The following BAZ2A variants were observed in gnomAD, a reference collection of about 807,000 sequenced individuals.
BAZ2A encodes bromodomain adjacent to zinc finger domain protein 2A.
In BAZ2A, 34 loss-of-function variants were observed where a neutral mutation model predicts 199.9. That is an observed-to-expected ratio of 0.17 (90% confidence interval 0.13 to 0.23). The LOEUF is 0.23. Among genes scored for constraint, BAZ2A ranks in the 10% least tolerant of loss-of-function variants. The pLI is 1.00. For synonymous variants in BAZ2A, 857 were observed against 883.9 expected (o/e 0.97, Z 0.54); for missense variants, 2,002 against 2,391.1 (o/e 0.84, Z 3.39).
At chr12:56,632,879 C>A (rs910110201), upstream of BAZ2A, among the ~76,000 whole-genome samples, 3 of 152,088 alleles carry the variant, frequency 2.0e-5, no homozygotes, top group Non-Finnish European at 2.9e-5. Context: ...GTGCTTCTCC[C>A]CCCATCCAGA....
At chr12:56,618,613 T>TA (rs761508237) in intron 1 of BAZ2A, among the ~76,000 whole-genome samples, 6 of 152,314 alleles carry the variant, frequency 3.9e-5, no homozygotes, top group South Asian at 2.1e-4. Flanking sequence ...TACTACATTT[T>TA]AAAAAAGAGA....
At chr12:56,634,989 C>A (rs531825561), upstream of BAZ2A, 1 of 984,206 alleles carries the variant, frequency 1.0e-6, no homozygotes, top group Non-Finnish European at 1.2e-6. Context: ...GCGGCAGAGG[C>A]GCAGGTGGCC....
At chr12:56,606,449 T>C in intron 11 of BAZ2A, 137 bp from the exon 12 acceptor site, 1 of 1,210,174 alleles carries the variant, frequency 8.3e-7, no homozygotes, top group South Asian at 1.3e-5. Flanking sequence ...ATTAATTCTC[T>C]CACCCTAGAG....
Position 56,603,992 on chromosome 12 carries a change from G to A in BAZ2A, c.3038+225C>T, listed in dbSNP as rs375289294. Among the ~76,000 whole-genome samples, 157 of 152,026 alleles carry A rather than the reference G, an allele frequency of 1.0e-3. 1 individual carries two copies. Among genetic ancestry groups the A allele is most frequent in the African/African-American group, 3.6e-3 (148 of 41,488 alleles). ...TGCGCTATCGCATTCCAGCCTAGGC[G>A]ACAGAGGAAGACTCCATCTCAAAAA... On this transcript the variant is annotated intron_variant, in intron 16 of 28. Coordinates refer to ENST00000549884, the MANE Select transcript of BAZ2A (RefSeq NM_001300905.2).
intron 1 of BAZ2A, among the ~76,000 whole-genome samples, chr12:56,628,441 G>C (rs1392849269): frequency 6.6e-6 from 1 of 152,090 alleles, no homozygotes; most frequent in Non-Finnish European, 1.5e-5. Context: ...AGAAGAATAA[G>C]AGGGGAGACG....
chr12:56,624,375 G>A (rs1235535284), intron 1 of BAZ2A, among the ~76,000 whole-genome samples: 2 of 152,136 alleles, frequency 1.3e-5, no homozygotes, highest in African/African-American at 4.8e-5. Flanking sequence ...AGAATTCAAA[G>A]ATGACTGTTC....
rs367656362 is a variant in BAZ2A, at chr12:56,601,787, T to C, written c.3830A>G (p.His1277Arg). The C allele has an allele frequency of 8.7e-6, 14 of 1,613,922 alleles. No homozygotes were observed. The highest frequency in any genetic ancestry group is 1.1e-5 in the South Asian group (1 of 91,088). Residue 1277 changes from histidine to arginine, a missense_variant, in exon 20 of 29, where the codon CAT becomes CGT. By Grantham distance (29) the His-to-Arg change is conservative. Transcript: ENST00000549884. ...FLSWLSQTQSHSSLLSSSVLT... is the reference protein window; with the variant it reads ...FLSWLSQTQSRSSLLSSSVLT... ...GACTGAGCTGCTCAACAGGGAGCTA[T>C]GGCTCTGAGTCTGGCTCAGCCAAGA...
In BAZ2A at chr12:56,596,748, C is replaced by T. The variant is rs1885872777; in HGVS notation, c.*1870G>A. The T allele has an allele frequency of 6.6e-6, 1 of 152,492 alleles. No individual in the cohort carries two copies. Among genetic ancestry groups the T allele is most frequent in the Non-Finnish European group, 1.5e-5 (1 of 68,020 alleles). The allele number at this position is 152,492 out of a possible 1,614,324, so 9.4% of individuals were successfully genotyped here. On this transcript the variant is annotated 3_prime_UTR_variant, in exon 29 of 29. Coordinates refer to ENST00000549884, the MANE Select transcript of BAZ2A (RefSeq NM_001300905.2). ...ATAATATAAAGTCAATTCAAATATTCTTCAATCCACCTCTTAAAAGCAAAA... is the reference window on the plus strand; with the variant it reads ...ATAATATAAAGTCAATTCAAATATTTTTCAATCCACCTCTTAAAAGCAAAA...
intron 18 of BAZ2A, 50 bp from the exon 19 acceptor site, chr12:56,602,907 A>C (rs892864774): frequency 6.4e-7 from 1 of 1,557,304 alleles, no homozygotes; most frequent in African/African-American, 1.4e-5. Context: ...CCAGAGTGAC[A>C]GTGGTGAATT....
chr12:56,608,867 CTTTTT>C (rs67765071), intron 10 of BAZ2A, among the ~76,000 whole-genome samples: 1 of 69,902 alleles, frequency 1.4e-5, no homozygotes, highest in Non-Finnish European at 2.5e-5. Flanking sequence ...CCGTGCCTGG[CTTTTT>C]TTTTTTTTTT....
chr12:56,599,195 C>G lies in BAZ2A; in HGVS notation c.5336G>C (p.Gly1779Ala). The G allele has an allele frequency of 7.4e-6, 12 of 1,613,374 alleles. No homozygotes were observed. The highest frequency in any genetic ancestry group is 1.0e-5 in the Non-Finnish European group (12 of 1,179,730). The change falls in exon 27 of 29, where the codon GGG becomes GCG. Residue 1779 changes from glycine to alanine, a missense_variant. Gly to Ala is a moderately conservative substitution (Grantham distance 60). Around this residue, in one of 6 missense-constraint regions of BAZ2A, gnomAD observed 122 missense variants for 123.0 expected, o/e 0.99. Coordinates refer to ENST00000549884, the MANE Select transcript of BAZ2A (RefSeq NM_001300905.2). ...PAAGPRYSEE[G>A]LSPSKRRRLS... ...TCGCCGCCGCTTGGAGGGGGAGAGC[C>G]CTTCTTCCGAGTACCGAGGCCCTGC...
In BAZ2A at chr12:56,599,878, A is replaced by ATCAT. The variant is rs747536897; in HGVS notation, c.5026-31_5026-30insATGA. On this transcript the variant is annotated intron_variant, in intron 25 of 28. Coordinates refer to ENST00000549884, the MANE Select transcript of BAZ2A (RefSeq NM_001300905.2). Reference sequence around the variant, plus strand: ...ACCAAGGTTGTGAGGAGGCAGAATGAGCTCTCCAGCCTCTACCTGCCAGTG... The same window carrying ATCAT: ...ACCAAGGTTGTGAGGAGGCAGAATGATCATGCTCTCCAGCCTCTACCTGCCAGTG... 1.9e-6 allele frequency: 3 copies of ATCAT among 1,613,536 alleles called. No homozygotes were observed. In the East Asian group the frequency reaches 6.7e-5, roughly 36 times the overall value.
rs1299585265 is a variant in BAZ2A, at chr12:56,599,855, C to G, written c.5026-7G>C. The G allele has an allele frequency of 6.2e-7, 1 of 1,613,910 alleles. No homozygotes were observed. Among genetic ancestry groups the G allele is most frequent in the South Asian group, 1.1e-5 (1 of 91,068 alleles). Reference sequence around the variant, plus strand: ...TCCGGCAGACTAGACATGTCTGGACCAAGGTTGTGAGGAGGCAGAATGAGC... The same window carrying G: ...TCCGGCAGACTAGACATGTCTGGACGAAGGTTGTGAGGAGGCAGAATGAGC... On this transcript the variant is annotated splice_region_variant and splice_polypyrimidine_tract_variant and intron_variant, in intron 25 of 28. Transcript: ENST00000549884.
intron 18 of BAZ2A, 110 bp downstream of exon 18, chr12:56,603,249 C>T (rs1264751395): frequency 7.8e-7 from 1 of 1,280,058 alleles, no homozygotes; most frequent in Non-Finnish European, 1.1e-6. Context: ...GCCTGGGTAA[C>T]AGAAACCCCA....
rs201559566 is a variant in BAZ2A at position 56,601,416 on chromosome 12, G to A, written c.4072-14C>T. 4.4e-6 allele frequency: 7 copies of A among 1,607,608 alleles called. No homozygotes were observed. The Admixed American group carries it at 8.5e-5, about 19-fold the overall frequency. Reference sequence around the variant, plus strand: ...AGGTCTATTCATCTGTGAATAAAATGAGACATAAGGAAATGAGGATGTTTT... The same window carrying A: ...AGGTCTATTCATCTGTGAATAAAATAAGACATAAGGAAATGAGGATGTTTT... On this transcript the variant is annotated splice_polypyrimidine_tract_variant and intron_variant, in intron 20 of 28. Transcript: ENST00000549884.
intron 1 of BAZ2A, among the ~76,000 whole-genome samples, chr12:56,622,334 T>C (rs750587821): frequency 6.6e-6 from 1 of 151,626 alleles, no homozygotes; most frequent in Non-Finnish European, 1.5e-5. Flanking sequence ...AGCAACACTC[T>C]ATCTCCAAAA....
Position 56,606,036 on chromosome 12 carries a change from G to T in BAZ2A, c.2287C>A (p.Gln763Lys). ...KAEKEKGKTK[Q>K]EKLKEKVKRE... The stretch of plus-strand genomic sequence containing the variant: ...TTGACTTTTTCCTTCAGTTTTTCCT[G>T]CTTTGTCTTTCCTTTTTCTTTCTCA... Residue 763 changes from glutamine (Q) to lysine (K), a missense_variant, in exon 13 of 29, where the codon CAG becomes AAG. Transcript: ENST00000549884. 1 of 1,551,268 alleles carries T rather than the reference G, an allele frequency of 6.4e-7. No individual in the cohort carries two copies. The highest frequency in any genetic ancestry group is 8.7e-7 in the Non-Finnish European group (1 of 1,146,980).
intron 1 of BAZ2A, among the ~76,000 whole-genome samples, chr12:56,625,317 G>A (rs7958539): frequency 0.11 from 16,629 of 151,484 alleles, 2,556 homozygotes; most frequent in African/African-American, 0.35. Flanking sequence ...CATCACACCC[G>A]GCTAATTTTC....
In BAZ2A at chr12:56,614,130, T is replaced by C. The variant is rs757609302; in HGVS notation, c.739A>G (p.Met247Val). 9.9e-6 allele frequency: 16 copies of C among 1,613,652 alleles called. No homozygotes were observed. Among genetic ancestry groups the C allele is most frequent in the Non-Finnish European group, 1.2e-5 (14 of 1,179,612 alleles). ...ELEEEQPELK[M>V]CGYNGSVPSV... ...GGGACAGAGCCATTGTAGCCACACATCTTCAGTTCTAGGAAATCACAGGAG... is the reference window on the plus strand; with the variant it reads ...GGGACAGAGCCATTGTAGCCACACACCTTCAGTTCTAGGAAATCACAGGAG... Residue 247 changes from methionine to valine, a missense_variant, in exon 4 of 29, where the codon ATG becomes GTG. By Grantham distance (21) the Met-to-Val change is conservative. This residue lies in a region of BAZ2A where 641 missense variants were observed against 694.5 expected (regional missense o/e 0.92). Transcript: ENST00000549884.
Sources: gnomAD v4.1 joint callset for allele counts (sites outside exome capture counted in the v4.1 genomes callset) on GRCh38, gnomAD v4.1.1 for gene constraint, gnomAD v4.1.1 regional missense constraint, MANE v1.5 for transcripts, NCBI Gene and HGNC (gene_info 2026-07-23, HGNC 2026-07-21) for gene names.